PTPRCAP: variants seen among roughly 807,000 people sequenced by gnomAD.
PTPRCAP encodes the protein protein tyrosine phosphatase receptor type C associated protein.
For missense variants in PTPRCAP, 294 were observed against 285.5 expected (o/e 1.03, Z -0.22); for synonymous variants, 136 against 135.8 (o/e 1.00, Z -0.01).
At chr11:67,436,567 C>T in intron 1 of PTPRCAP, 1 of 480,058 alleles carries the variant, frequency 2.1e-6, no homozygotes, top group Non-Finnish European at 3.5e-6. Context: ...CTCACCTCCC[C>T]CAACAGCTGC....
chr11:67,437,492 C>T (rs924762640), intron 1 of PTPRCAP, 125 bp downstream of exon 1: 1 of 1,144,276 alleles, frequency 8.7e-7, no homozygotes, highest in East Asian at 2.9e-5. Context: ...CTGCCATACT[C>T]CTCTTAGGTC....
chr11:67,435,639 G>C lies in PTPRCAP; in HGVS notation c.*94C>G, dbSNP rs986269556. 1.4e-6 allele frequency: 2 copies of C among 1,474,046 alleles called. No individual in the cohort carries two copies. Among genetic ancestry groups the C allele is most frequent in the Non-Finnish European group, 1.8e-6 (2 of 1,113,440 alleles). 91.3% of individuals were successfully genotyped at this position (1,474,046 alleles called of 1,614,324 possible). ...GGGTGACAGTCTGAGGCATGGTCATGTGGGCTGGGGGTCCAGTCCAGCCAT... is the reference window on the plus strand; with the variant it reads ...GGGTGACAGTCTGAGGCATGGTCATCTGGGCTGGGGGTCCAGTCCAGCCAT... On this transcript the variant is annotated 3_prime_UTR_variant, in exon 2 of 2. Transcript: ENST00000326294.
At chr11:67,436,520 G>T in intron 1 of PTPRCAP, 170 bp from the exon 2 acceptor site, 1 of 742,018 alleles carries the variant, frequency 1.3e-6, no homozygotes, top group Non-Finnish European at 2.0e-6. Context: ...CTGGCCCTGT[G>T]AGATCAGCCC....
chr11:67,436,456 C>T (rs1366589041), intron 1 of PTPRCAP, 106 bp from the exon 2 acceptor site: 2 of 1,290,690 alleles, frequency 1.5e-6, no homozygotes, highest in Non-Finnish European at 2.0e-6. Flanking sequence ...TCTTTGGGAT[C>T]CTCTTGGGAC....
At position 67,436,216 on chromosome 11, in the gene PTPRCAP, C is replaced by T. The variant is rs771383240; in HGVS notation, c.138G>A (p.Leu46=). The change falls in exon 2 of 2, where the codon CTG becomes CTA. Residue 46 remains leucine (L), a synonymous_variant. Transcript: ENST00000326294. The part of the protein sequence containing the change: ...VVLLLLLLLL[L]ATGLALAWRR... Reference sequence around the variant, plus strand: ...GCCAGGCCAGTGCTAGGCCAGTGGCCAGCAGTAGGAGCAGCAGCAGCAGCA... The same window carrying T: ...GCCAGGCCAGTGCTAGGCCAGTGGCTAGCAGTAGGAGCAGCAGCAGCAGCA... 7 of 1,549,814 alleles carry T rather than the reference C, an allele frequency of 4.5e-6. No homozygotes were observed. Among genetic ancestry groups the T allele is most frequent in the Non-Finnish European group, 4.3e-6 (5 of 1,150,094 alleles).
In PTPRCAP at chr11:67,437,607, C is replaced by T. The variant is rs764213205; in HGVS notation, c.3+10G>A. The T allele has an allele frequency of 1.5e-6, 2 of 1,358,774 alleles. No homozygotes were observed. Among genetic ancestry groups the T allele is most frequent in the East Asian group, 2.8e-5 (1 of 36,158 alleles). The allele number at this position is 1,358,774 out of a possible 1,614,324, so 84.2% of individuals were successfully genotyped here. A position where few individuals can be genotyped will look rare whatever the true frequency, so the allele number is the denominator to read the frequency against. ...CCCATCCCAAGAACCCGGGGGGCTC[C>T]GAGGCTTACCATTGGTCCGCAGGCC... On this transcript the variant is annotated intron_variant, in intron 1 of 1. Transcript: ENST00000326294.
intron 1 of PTPRCAP, chr11:67,436,569 A>C: frequency 2.1e-6 from 1 of 469,628 alleles, no homozygotes; most frequent in Non-Finnish European, 3.6e-6. Context: ...CACCTCCCCC[A>C]ACAGCTGCAT....
In PTPRCAP at chr11:67,435,990, C is replaced by T. The variant is rs1864263801; in HGVS notation, c.364G>A (p.Gly122Ser). 7 of 1,613,774 alleles carry T rather than the reference C, an allele frequency of 4.3e-6. No individual in the cohort carries two copies. The highest frequency in any genetic ancestry group is 1.6e-4 in the Middle Eastern group (1 of 6,062). Reference protein sequence around the residue: ...DTDYDHVADGGLQADPGEGEQ... With the variant: ...DTDYDHVADGSLQADPGEGEQ... ...CCTTCCCCAGGGTCAGCCTGCAGGC[C>T]ACCATCCGCGACGTGGTCATAGTCT... The change falls in exon 2 of 2, where the codon GGC (glycine) becomes AGC (serine). Residue 122 changes from glycine (G) to serine (S), a missense_variant. By Grantham distance (56) the Gly-to-Ser change is moderately conservative (BLOSUM62 0). Transcript: ENST00000326294.
intron 1 of PTPRCAP, chr11:67,437,264 G>C (rs1179073494): frequency 8.0e-6 from 2 of 250,388 alleles, no homozygotes; most frequent in Non-Finnish European, 7.6e-6. Context: ...GAACAGGCTA[G>C]GTGGGGGGTG....
Position 67,435,961 on chromosome 11 carries a change from C to G in PTPRCAP, c.393G>C (p.Glu131Asp). The G allele has an allele frequency of 6.2e-7, 1 of 1,613,644 alleles. No homozygotes were observed. The highest frequency in any genetic ancestry group is 8.5e-7 in the Non-Finnish European group (1 of 1,179,900). Residue 131 changes from glutamate to aspartate, a missense_variant, in exon 2 of 2, where the codon GAG (glutamate) becomes GAC (aspartate). Glu to Asp is a conservative substitution (Grantham distance 45, BLOSUM62 2). Coordinates refer to ENST00000326294, the MANE Select transcript of PTPRCAP (RefSeq NM_005608.3). ...GGCTGGACGCCTCTCCACATTGCTG[C>G]TCGCCTTCCCCAGGGTCAGCCTGCA... ...GGLQADPGEG[E>D]QQCGEASSPE...
At position 67,436,275 on chromosome 11, in the gene PTPRCAP, C is replaced by A; in HGVS notation, c.79G>T (p.Asp27Tyr). The change falls in exon 2 of 2, where the codon GAC becomes TAC. Residue 27 changes from aspartate (D) to tyrosine (Y), a missense_variant. Coordinates refer to ENST00000326294, the MANE Select transcript of PTPRCAP (RefSeq NM_005608.3). Reference protein sequence around the residue: ...GALGSGGSAEDSVGSSSVTVV... With the variant: ...GALGSGGSAEYSVGSSSVTVV... ...GTGACAGAGCTGGAGCCCACGCTGT[C>A]CTCCGCGCTGCCACCCGAGCCCAAG... 1 of 1,540,018 alleles carries A rather than the reference C, an allele frequency of 6.5e-7. No homozygotes were observed. The highest frequency in any genetic ancestry group is 1.4e-5 in the African/African-American group (1 of 73,106).
chr11:67,435,819 C>T lies in PTPRCAP; in HGVS notation c.535G>A (p.Asp179Asn). 1 of 1,604,410 alleles carries T rather than the reference C, an allele frequency of 6.2e-7. No homozygotes were observed. The highest frequency in any genetic ancestry group is 1.1e-5 in the South Asian group (1 of 90,806). ...GCGCTGCCAGCAAAGGCGTGCAGGT[C>T]ACTCAGCAGGGCCTCAGCACTGCCC... Reference protein sequence around the residue: ...AGGSAEALLSDLHAFAGSAAW... With the variant: ...AGGSAEALLSNLHAFAGSAAW... Residue 179 changes from aspartate to asparagine, a missense_variant, in exon 2 of 2, where the codon GAC (aspartate) becomes AAC (asparagine). Transcript: ENST00000326294.
At position 67,436,032 on chromosome 11, in the gene PTPRCAP, C is replaced by T. The variant is rs752342322; in HGVS notation, c.322G>A (p.Glu108Lys). 1.9e-6 allele frequency: 3 copies of T among 1,613,668 alleles called. No individual in the cohort carries two copies. Among genetic ancestry groups the T allele is most frequent in the Non-Finnish European group, 2.5e-6 (3 of 1,179,882 alleles). The change falls in exon 2 of 2, where the codon GAG becomes AAG. Residue 108 changes from glutamate to lysine, a missense_variant. Coordinates refer to ENST00000326294, the MANE Select transcript of PTPRCAP (RefSeq NM_005608.3). ...TCATAGTCTGTGTCCTGCTCATCCT[C>T]CTGTCGCTCAAGGTCATTGTCTGTG... Reference protein sequence around the residue: ...GSTDNDLERQEDEQDTDYDHV... With the variant: ...GSTDNDLERQKDEQDTDYDHV...
rs1036453828 is a variant in PTPRCAP at position 67,436,153 on chromosome 11, C to T, written c.201G>A (p.Pro67=). 22 of 1,568,440 alleles carry T rather than the reference C, an allele frequency of 1.4e-5. No homozygotes were observed. The highest frequency in any genetic ancestry group is 5.8e-5 in the South Asian group (5 of 86,368). The part of the protein sequence containing the change: ...LSRDSGGYYH[P]ARLGAALWGR... Reference sequence around the variant, plus strand: ...CCCACAGCGCGGCACCTAGGCGGGCCGGGTGGTAGTAGCCCCCTGAGTCAC... The same window carrying T: ...CCCACAGCGCGGCACCTAGGCGGGCTGGGTGGTAGTAGCCCCCTGAGTCAC... Residue 67 remains proline (P), a synonymous_variant, in exon 2 of 2, where the codon CCG becomes CCA. Transcript: ENST00000326294.
In PTPRCAP at chr11:67,436,252, GACA is replaced by G; in HGVS notation, c.99_101del (p.Val34del). On this transcript the variant is annotated inframe_deletion, in exon 2 of 2. Coordinates refer to ENST00000326294, the MANE Select transcript of PTPRCAP (RefSeq NM_005608.3). ...GCAGCAGCAGCAGCAGGACAACGGTGACAGAGCTGGAGCCCACGCTGTCCTCCG... is the reference window on the plus strand; with the variant it reads ...GCAGCAGCAGCAGCAGGACAACGGTGGAGCTGGAGCCCACGCTGTCCTCCG... 1 of 1,544,990 alleles carries G rather than the reference GACA, an allele frequency of 6.5e-7. No individual in the cohort carries two copies. The highest frequency in any genetic ancestry group is 8.7e-7 in the Non-Finnish European group (1 of 1,149,254).
chr11:67,435,690 G>A lies in PTPRCAP; in HGVS notation c.*43C>T. On this transcript the variant is annotated 3_prime_UTR_variant, in exon 2 of 2. Transcript: ENST00000326294. ...GGCATCTTGGGAAGCAGAGGCACGG[G>A]GAGTGAGCGGCTGTGACAGGGATGG... is the stretch of plus-strand genomic sequence containing the variant. The A allele has an allele frequency of 2.7e-6, 4 of 1,497,382 alleles. No homozygotes were observed. Among genetic ancestry groups the A allele is most frequent in the East Asian group, 2.3e-5 (1 of 43,584 alleles). The allele number at this position is 1,497,382 out of a possible 1,614,324, so 92.8% of individuals were successfully genotyped here.
chr11:67,437,525 G>T (rs916128039), intron 1 of PTPRCAP, 92 bp downstream of exon 1: 2 of 1,289,310 alleles, frequency 1.6e-6, no homozygotes, highest in Non-Finnish European at 2.0e-6. Context: ...TGGGGCCAAT[G>T]TGGGGCCCTC....
In PTPRCAP at chr11:67,436,186, G is replaced by T. The variant is rs1343939205; in HGVS notation, c.168C>A (p.Arg56=). Residue 56 remains arginine, a synonymous_variant, in exon 2 of 2, where the codon CGC becomes CGA. Transcript: ENST00000326294. The stretch of plus-strand genomic sequence containing the variant: ...AGTAGCCCCCTGAGTCACGGCTGAG[G>T]CGGCGCCAGGCCAGTGCTAGGCCAG... ...LATGLALAWR[R]LSRDSGGYYH... is the part of the protein sequence containing the mutation. 1 of 1,554,426 alleles carries T rather than the reference G, an allele frequency of 6.4e-7. No individual in the cohort carries two copies. The highest frequency in any genetic ancestry group is 2.4e-5 in the East Asian group (1 of 41,508).
chr11:67,437,298 A>G, intron 1 of PTPRCAP: 1 of 314,216 alleles, frequency 3.2e-6, no homozygotes, highest in East Asian at 4.8e-5. Flanking sequence ...GCTGAGGTGC[A>G]GCCAGCCTCC....
Sources: gnomAD v4.1 joint callset for allele counts on GRCh38, gnomAD v4.1.1 for gene constraint, MANE v1.5 for transcripts, NCBI Gene and HGNC (gene_info 2026-07-23, HGNC 2026-07-21) for gene names.